Variants in SNX27 observed in about 807,000 individuals in gnomAD.
SNX27 encodes sorting nexin 27, also known as sorting nexin-27.
A neutral mutation model predicts 71.6 loss-of-function variants in SNX27; 22 were observed. The ratio of observed to expected loss-of-function variants is 0.31; its 90% CI spans 0.22 to 0.44. The LOEUF (loss-of-function observed/expected upper bound fraction) is 0.44, where lower values mean the gene tolerates loss of function less well. Ranked by LOEUF, SNX27 falls within the 20% of genes least tolerant of loss-of-function variation. The pLI is 1.00. For synonymous variants in SNX27, 269 were observed against 277.2 expected, an observed-to-expected ratio of 0.97 and a Z score of 0.29; for missense variants, 531 against 698.6, an observed-to-expected ratio of 0.76 and a Z score of 2.70.
chr1:151,679,550 T>C (rs1185701523), intron 7 of SNX27: 1 of 152,230 alleles, frequency 6.6e-6, no homozygotes, highest in Non-Finnish European at 1.5e-5. Flanking sequence ...ATGACAACCG[T>C]TGACAGTTTT....
intron 1 of SNX27, among the ~76,000 whole-genome samples, chr1:151,638,417 C>G (rs1357291525): frequency 6.8e-6 from 1 of 147,050 alleles, no homozygotes; most frequent in East Asian, 2.0e-4. Context: ...TTTTGAGTCT[C>G]TATTTACAAA....
chr1:151,623,694 C>A (rs1369053069), intron 1 of SNX27, among the ~76,000 whole-genome samples: 1 of 152,122 alleles, frequency 6.6e-6, no homozygotes, highest in Non-Finnish European at 1.5e-5. Flanking sequence ...GCCACTGCGC[C>A]TGACCCTTTC....
At position 151,612,143 on chromosome 1, in the gene SNX27, C is replaced by T; in HGVS notation, c.-59C>T. On this transcript the variant is annotated 5_prime_UTR_variant, in exon 1 of 12. Coordinates refer to ENST00000458013, the MANE Select transcript of SNX27 (RefSeq NM_001330723.2). This position sits in a 1 kb window ranked among gnomAD's most constrained non-coding sequence, Gnocchi z 5.2. ...TCGTCCGGCTGCCAGGCAGGGCGAG[C>T]ACGCGCCGGGAGGCCTTGGAGGCGT... 7.8e-7 allele frequency: 1 copy of T among 1,279,702 alleles called. No homozygotes were observed. The highest frequency in any genetic ancestry group is 9.9e-7 in the Non-Finnish European group (1 of 1,011,686). The allele number at this position is 1,279,702 out of a possible 1,614,324, so 79.3% of individuals were successfully genotyped here. A position where few individuals can be genotyped will look rare whatever the true frequency, so the allele number is the denominator to read the frequency against.
intron 7 of SNX27, among the ~76,000 whole-genome samples, chr1:151,670,955 T>G (rs948871333): frequency 6.6e-6 from 1 of 152,204 alleles, no homozygotes; most frequent in Non-Finnish European, 1.5e-5. Flanking sequence ...TTGATGTGAC[T>G]TTTGTATATG....
chr1:151,670,274 A>G (rs1053405002), intron 7 of SNX27, among the ~76,000 whole-genome samples: 1 of 152,118 alleles, frequency 6.6e-6, no homozygotes, highest in Non-Finnish European at 1.5e-5. Context: ...TAAGTACCAC[A>G]TTTTCTTTAT....
intron 1 of SNX27, among the ~76,000 whole-genome samples, chr1:151,626,213 C>T (rs1667932406): frequency 6.6e-6 from 1 of 151,354 alleles, no homozygotes; most frequent in African/African-American, 2.4e-5. Context: ...AGAAGTAAAG[C>T]TCTCTCTATA....
chr1:151,635,576 C>A (rs140325349), intron 1 of SNX27, among the ~76,000 whole-genome samples: 1 of 152,142 alleles, frequency 6.6e-6, no homozygotes, highest in Non-Finnish European at 1.5e-5. Context: ...ATTTTTATGA[C>A]TGTGAAGACC....
chr1:151,671,961 T>G (rs1717140), intron 7 of SNX27, among the ~76,000 whole-genome samples: 151,091 of 152,268 alleles, frequency 0.99, 74,969 homozygotes, highest in Middle Eastern at 1. Flanking sequence ...AGGATAATTT[T>G]ACTTCTTCCT....
chr1:151,618,916 AT>A (rs1168987080), intron 1 of SNX27, among the ~76,000 whole-genome samples: 1 of 152,128 alleles, frequency 6.6e-6, no homozygotes, highest in African/African-American at 2.4e-5. Context: ...TTCAGCCCAC[AT>A]TTGGAAAAAA....
chr1:151,640,861 C>T (rs1012403328), intron 2 of SNX27, among the ~76,000 whole-genome samples: 60 of 152,274 alleles, frequency 3.9e-4, no homozygotes, highest in African/African-American at 1.4e-3. Context: ...TACAGTTAGT[C>T]CTCACCCCTT....
intron 1 of SNX27, among the ~76,000 whole-genome samples, chr1:151,630,295 A>G (rs1207003460): frequency 6.6e-6 from 1 of 152,154 alleles, no homozygotes; most frequent in African/African-American, 2.4e-5. Context: ...CCATTTTTAT[A>G]TCTTTAGATG....
chr1:151,688,657 T>C (rs2102734929), intron 8 of SNX27, among the ~76,000 whole-genome samples: 1 of 151,756 alleles, frequency 6.6e-6, no homozygotes, highest in Non-Finnish European at 1.5e-5. Context: ...AATTCACCTG[T>C]TTTTACGAAT....
chr1:151,624,406 A>G (rs867694813), intron 1 of SNX27, among the ~76,000 whole-genome samples: 6 of 83,656 alleles, frequency 7.2e-5, no homozygotes, highest in African/African-American at 2.5e-4. Context: ...GAATAGCTTG[A>G]TTTTATATAT....
chr1:151,626,265 CTTTTTTT>C (rs201039962), intron 1 of SNX27, among the ~76,000 whole-genome samples: 1 of 146,650 alleles, frequency 6.8e-6, no homozygotes, highest in Non-Finnish European at 1.5e-5. Flanking sequence ...ATGTGATTAA[CTTTTTTT>C]TTTTTGTTTT....
chr1:151,648,007 C>CA (rs891863059), intron 2 of SNX27, among the ~76,000 whole-genome samples: 2 of 151,162 alleles, frequency 1.3e-5, no homozygotes, highest in Non-Finnish European at 3.0e-5. Flanking sequence ...AAAAAAACAA[C>CA]AAAAAAACAA....
chr1:151,646,959 C>T (rs1042804138), intron 2 of SNX27, among the ~76,000 whole-genome samples: 7 of 151,872 alleles, frequency 4.6e-5, no homozygotes, highest in South Asian at 4.2e-4. Context: ...TATTTCCCCC[C>T]GCCATCCTTT....
chr1:151,649,298 C>T (rs1212535598), intron 2 of SNX27, among the ~76,000 whole-genome samples: 1 of 151,528 alleles, frequency 6.6e-6, no homozygotes, highest in East Asian at 1.9e-4. Flanking sequence ...TTTTAAAGTA[C>T]CAAAAGAAAA....
In SNX27 at chr1:151,641,781, TATATATGAG is replaced by T. The variant is rs1385158866; in HGVS notation, c.543+2669_543+2677del. On this transcript the variant is annotated intron_variant, in intron 2 of 11. Transcript: ENST00000458013. Reference sequence around the variant, plus strand: ...TCATATATATGCTATATATATCTGATATATATGAGATATATAAGATATAGATATATATGA... The same window carrying T: ...TCATATATATGCTATATATATCTGATATATATAAGATATAGATATATATGA... Among the ~76,000 whole-genome samples, 4 of 142,578 alleles carry T rather than the reference TATATATGAG, an allele frequency of 2.8e-5. 1 individual carries two copies. Among genetic ancestry groups the T allele is most frequent in the African/African-American group, 7.7e-5 (3 of 39,102 alleles). 93.5% of individuals were successfully genotyped at this position (142,578 alleles called of 152,430 possible).
chr1:151,696,509 C>CTTTCGTTCTTTCGTTT lies in SNX27; in HGVS notation c.*2107_*2108insTTTTCGTTCTTTCGTT. 7.1e-6 allele frequency: 1 copy of CTTTCGTTCTTTCGTTT among 140,020 alleles called. No individual in the cohort carries two copies. Among genetic ancestry groups the CTTTCGTTCTTTCGTTT allele is most frequent in the East Asian group, 2.0e-4 (1 of 4,978 alleles). The allele number at this position is 140,020 out of a possible 1,614,324, so 8.7% of individuals were successfully genotyped here. A position where few individuals can be genotyped will look rare whatever the true frequency, so the allele number is the denominator to read the frequency against. On this transcript the variant is annotated 3_prime_UTR_variant, in exon 12 of 12. Coordinates refer to ENST00000458013, the MANE Select transcript of SNX27 (RefSeq NM_001330723.2). ...TCTTTCTTTCTTTCTTTCTTTCGTT[C>CTTTCGTTCTTTCGTTT]TTTCGTTCTTTCGTTCTTTCTTTCT...
Sources: allele counts gnomAD v4.1 joint callset (sites outside exome capture counted in the v4.1 genomes callset), GRCh38; gene constraint gnomAD v4.1.1; non-coding constraint Gnocchi (gnomAD v3.1); transcripts MANE v1.5; gene names NCBI Gene and HGNC (gene_info 2026-07-23, HGNC 2026-07-21).